IL1B: variants seen among roughly 807,000 people sequenced by gnomAD.
IL1B encodes interleukin-1 beta.
A neutral mutation model predicts 26.2 loss-of-function variants in IL1B; 11 were observed. The ratio of observed to expected loss-of-function variants is 0.42; its 90% CI spans 0.26 to 0.70. The LOEUF is 0.70. Among genes scored for constraint, IL1B ranks in the 30% least tolerant of loss-of-function variants. IL1B has a pLI of 0.25. For synonymous variants in IL1B, 118 were observed against 120.8 expected, an observed-to-expected ratio of 0.98 and a Z score of 0.15; for missense variants, 255 against 327.5, an observed-to-expected ratio of 0.78 and a Z score of 1.71.
At chr2:112,833,673 T>C in intron 3 of IL1B, 98 bp from the exon 4 acceptor site, 2 of 1,148,984 alleles carry the variant, frequency 1.7e-6, no homozygotes, top group Middle Eastern at 2.6e-4. Context: ...AGGAAAGGGC[T>C]TGAAAGAATC....
intron 3 of IL1B, among the ~76,000 whole-genome samples, chr2:112,834,237 A>G (rs200619471): frequency 3.5e-4 from 53 of 152,178 alleles, no homozygotes; most frequent in African/African-American, 1.2e-3. Flanking sequence ...TACCTTCTCT[A>G]TATCTTTTTG....
At position 112,830,055 on chromosome 2, in the gene IL1B, A is replaced by G; in HGVS notation, c.*306T>C. On this transcript the variant is annotated 3_prime_UTR_variant, in exon 7 of 7. Coordinates refer to ENST00000263341, the MANE Select transcript of IL1B (RefSeq NM_000576.3). Reference sequence around the variant, plus strand: ...TCATCAGAATGTGGGAGCGAATGACAGAGGGTTTCTTAGAACCAAATGTGG... The same window carrying G: ...TCATCAGAATGTGGGAGCGAATGACGGAGGGTTTCTTAGAACCAAATGTGG... 3.1e-6 allele frequency: 1 copy of G among 325,450 alleles called. No homozygotes were observed. Among genetic ancestry groups the G allele is most frequent in the Non-Finnish European group, 5.7e-6 (1 of 175,036 alleles). The allele number at this position is 325,450 out of a possible 1,614,324, so 20.2% of individuals were successfully genotyped here. A position where few individuals can be genotyped will look rare whatever the true frequency, so the allele number is the denominator to read the frequency against.
chr2:112,833,722 G>C (rs1465218245), intron 3 of IL1B, 147 bp from the exon 4 acceptor site: 4 of 788,042 alleles, frequency 5.1e-6, no homozygotes, highest in Non-Finnish European at 8.5e-6. Flanking sequence ...GGCCAGGCGT[G>C]GTGGCTCATG....
At position 112,832,292 on chromosome 2, in the gene IL1B, G is replaced by A. The variant is rs1165582208; in HGVS notation, c.466+370C>T. Among the ~76,000 whole-genome samples the A allele has an allele frequency of 3.9e-5, 6 of 152,246 alleles. No individual in the cohort carries two copies. In the South Asian group the frequency reaches 6.2e-4, roughly 16 times the overall value. On this transcript the variant is annotated intron_variant, in intron 5 of 6. Coordinates refer to ENST00000263341, the MANE Select transcript of IL1B (RefSeq NM_000576.3). ...TGGGGAGGGGGATGGACACATTATC[G>A]CTCCAGCACTCTTGTTTCAGCCTCA...
At position 112,832,789 on chromosome 2, in the gene IL1B, A is replaced by G; in HGVS notation, c.339T>C (p.Tyr113=). Residue 113 remains tyrosine, a synonymous_variant, in exon 5 of 7, where the codon TAT becomes TAC. Transcript: ENST00000263341. ...IFFDTWDNEA[Y]VHDAPVRSLN... is the part of the protein sequence containing the mutation. ...GTGATCGTACAGGTGCATCGTGCAC[A>G]TAAGCCTCGTTATCCCATGTGTCGA... The G allele has an allele frequency of 1.2e-6, 2 of 1,614,246 alleles. No homozygotes were observed. Among genetic ancestry groups the G allele is most frequent in the Non-Finnish European group, 1.7e-6 (2 of 1,180,046 alleles).
intron 6 of IL1B, 27 bp downstream of exon 6, chr2:112,831,265 G>A (rs992623209): frequency 6.2e-7 from 1 of 1,613,306 alleles, no homozygotes; most frequent in Non-Finnish European, 8.5e-7. Flanking sequence ...AGGCTGAGAA[G>A]GGCTTCATTC....
At chr2:112,833,164 T>C in intron 4 of IL1B, 1 of 625,942 alleles carries the variant, frequency 1.6e-6, no homozygotes, top group Non-Finnish European at 2.8e-6. Context: ...AGTGAGGGAG[T>C]TGCAAATGTC....
chr2:112,834,903 G>A (rs1371500479), intron 3 of IL1B, among the ~76,000 whole-genome samples: 1 of 152,178 alleles, frequency 6.6e-6, no homozygotes, highest in Non-Finnish European at 1.5e-5. Flanking sequence ...GTAAGGATGA[G>A]TCTGAAAAAT....
chr2:112,830,488 A>G lies in IL1B; in HGVS notation c.683T>C (p.Phe228Ser), dbSNP rs1681958816. The change falls in exon 7 of 7, where the codon TTT (phenylalanine) becomes TCT (serine). Residue 228 changes from phenylalanine (F) to serine (S), a missense_variant. Coordinates refer to ENST00000263341, the MANE Select transcript of IL1B (RefSeq NM_000576.3). ...NKIEINNKLE[F>S]ESAQFPNWYI... ...CCAGTTGGGGAACTGGGCAGACTCA[A>G]ATTCCAGCTTGTTATTGATTTCTAT... 2 of 1,614,040 alleles carry G rather than the reference A, an allele frequency of 1.2e-6. No individual in the cohort carries two copies. The highest frequency in any genetic ancestry group is 8.5e-7 in the Non-Finnish European group (1 of 1,179,980).
intron 1 of IL1B, 50 bp from the exon 2 acceptor site, chr2:112,836,294 T>G: frequency 7.4e-7 from 1 of 1,356,870 alleles, no homozygotes; most frequent in Non-Finnish European, 1.1e-6. Context: ...GCTACGTTCA[T>G]GTGTGATTTC....
intron 2 of IL1B, 39 bp downstream of exon 2, chr2:112,836,144 A>G: frequency 1.9e-6 from 3 of 1,598,724 alleles, no homozygotes; most frequent in Non-Finnish European, 1.7e-6. Context: ...TTGAAAGAGG[A>G]GACCTGCTCA....
At chr2:112,833,806 A>C (rs1682036618) in intron 3 of IL1B, among the ~76,000 whole-genome samples, 1 of 152,136 alleles carries the variant, frequency 6.6e-6, no homozygotes, top group Admixed American at 6.5e-5. Flanking sequence ...CAGCCTGGCC[A>C]ACATGGCGAA....
At chr2:112,831,062 G>A (rs1365206405) in intron 6 of IL1B, 1 of 521,646 alleles carries the variant, frequency 1.9e-6, no homozygotes. Flanking sequence ...TGTTGGGGTT[G>A]TAACTATGGT....
intron 6 of IL1B, chr2:112,831,059 G>T (rs1382947197): frequency 3.9e-6 from 2 of 517,174 alleles, no homozygotes; most frequent in Non-Finnish European, 7.1e-6. Flanking sequence ...ATCTGTTGGG[G>T]TTGTAACTAT....
At chr2:112,834,354 C>CT (rs996793215) in intron 3 of IL1B, among the ~76,000 whole-genome samples, 3 of 152,112 alleles carry the variant, frequency 2.0e-5, no homozygotes, top group Non-Finnish European at 4.4e-5. Flanking sequence ...CTACACTGTT[C>CT]TTTTTTTTCC....
chr2:112,831,282 A>G lies in IL1B; in HGVS notation c.597+10T>C, dbSNP rs1681982044. On this transcript the variant is annotated intron_variant, in intron 6 of 6. Coordinates refer to ENST00000263341, the MANE Select transcript of IL1B (RefSeq NM_000576.3). ...GCTGAGAAGGGCTTCATTCCATAGC[A>G]TTCACTTACCTCCAGCTGTAGAGTG... The G allele has an allele frequency of 6.2e-7, 1 of 1,613,786 alleles. No homozygotes were observed. The highest frequency in any genetic ancestry group is 1.7e-5 in the Admixed American group (1 of 59,982).
chr2:112,836,590 G>C, intron 1 of IL1B, 118 bp downstream of exon 1: 1 of 301,322 alleles, frequency 3.3e-6, no homozygotes, highest in Non-Finnish European at 6.6e-6. Flanking sequence ...AGAGAGGGAA[G>C]GAGAGGGAGA....
At chr2:112,830,961 G>GGGAGT (rs1263659022) in intron 6 of IL1B, among the ~76,000 whole-genome samples, 14 of 152,164 alleles carry the variant, frequency 9.2e-5, no homozygotes, top group African/African-American at 3.4e-4. Flanking sequence ...TGGTAATTTT[G>GGGAGT]GGAGTGGAGT....
chr2:112,830,347 G>A lies in IL1B; in HGVS notation c.*14C>T, dbSNP rs774695305. 1 of 1,606,980 alleles carries A rather than the reference G, an allele frequency of 6.2e-7. No individual in the cohort carries two copies. Among genetic ancestry groups the A allele is most frequent in the Non-Finnish European group, 8.5e-7 (1 of 1,173,582 alleles). The stretch of plus-strand genomic sequence containing the variant: ...GTCCACATTCAGCACAGGACTCTCT[G>A]GGTACAGCTCTCTTTAGGAAGACAC... On this transcript the variant is annotated 3_prime_UTR_variant, in exon 7 of 7. Coordinates refer to ENST00000263341, the MANE Select transcript of IL1B (RefSeq NM_000576.3).
Sources: gnomAD v4.1 joint callset for allele counts (sites outside exome capture counted in the v4.1 genomes callset) on GRCh38, gnomAD v4.1.1 for gene constraint, MANE v1.5 for transcripts, NCBI Gene and HGNC (gene_info 2026-07-23, HGNC 2026-07-21) for gene names.